Variants in PKHD1L1 observed in about 807,000 individuals in gnomAD.
PKHD1L1 encodes PKHD1 like 1.
Under a neutral mutation model 462.9 loss-of-function variants are expected in PKHD1L1, and 434 were observed. That is an observed-to-expected ratio of 0.94 (90% CI 0.87 to 1.02). The LOEUF (loss-of-function observed/expected upper bound fraction) is 1.02. Ranked by LOEUF, PKHD1L1 falls within the 50% of genes least tolerant of loss-of-function variation. The pLI is 0.00. For synonymous variants in PKHD1L1, 1,781 were observed against 1,750.0 expected (o/e 1.02, Z -0.44); for missense variants, 5,202 against 5,096.1 (o/e 1.02, Z -0.63).
chr8:109,385,761 A>G, intron 6 of PKHD1L1, 131 bp downstream of exon 6: 1 of 544,156 alleles, frequency 1.8e-6, no homozygotes, highest in South Asian at 3.7e-5. Context: ...TTTTTCAGCC[A>G]TATTATAGAA....
Position 109,497,244 on chromosome 8 carries a change from A to T in PKHD1L1, c.10571A>T (p.Lys3524Ile). 3 of 1,613,610 alleles carry T rather than the reference A, an allele frequency of 1.9e-6. No individual in the cohort carries two copies. The highest frequency in any genetic ancestry group is 2.5e-6 in the Non-Finnish European group (3 of 1,179,650). The change falls in exon 65 of 78, where the codon AAA becomes ATA. Residue 3524 changes from lysine (K) to isoleucine (I), a missense_variant. Around this residue, in one of 3 missense-constraint regions of PKHD1L1, gnomAD observed 4,497 missense variants for 4,336.8 expected, o/e 1.04. Coordinates refer to ENST00000378402, the MANE Select transcript of PKHD1L1 (RefSeq NM_177531.6). ...MIYMPAAISH[K>I]ISSKNVQIKS... The stretch of plus-strand genomic sequence containing the variant: ...TACATGCCAGCTGCTATATCACACA[A>T]AATTTCCAGTAAAAATGTACAAATT...
chr8:109,376,783 A>G (rs528687168), intron 2 of PKHD1L1, among the ~76,000 whole-genome samples: 7 of 152,172 alleles, frequency 4.6e-5, no homozygotes, highest in Non-Finnish European at 8.8e-5. Context: ...ATCCATTAAG[A>G]TAGATTATGG....
chr8:109,497,231 G>A lies in PKHD1L1; in HGVS notation c.10558G>A (p.Ala3520Thr). The A allele has an allele frequency of 2.5e-6, 4 of 1,613,368 alleles. No individual in the cohort carries two copies. Among genetic ancestry groups the A allele is most frequent in the Non-Finnish European group, 3.4e-6 (4 of 1,179,534 alleles). The change falls in exon 65 of 78, where the codon GCT becomes ACT. Residue 3520 changes from alanine to threonine, a missense_variant. Physicochemically the swap from Ala to Thr is moderately conservative, Grantham distance 58. Around this residue, in one of 3 missense-constraint regions of PKHD1L1, gnomAD observed 4,497 missense variants for 4,336.8 expected, o/e 1.04. Transcript: ENST00000378402. The stretch of plus-strand genomic sequence containing the variant: ...TTTTCCAATGATTTACATGCCAGCT[G>A]CTATATCACACAAAATTTCCAGTAA... ...AIFPMIYMPA[A>T]ISHKISSKNV...
intron 31 of PKHD1L1, 140 bp downstream of exon 31, chr8:109,438,596 A>C (rs1815577715): frequency 1.4e-6 from 1 of 717,862 alleles, no homozygotes; most frequent in Non-Finnish European, 2.2e-6. Flanking sequence ...TGTATGTTTT[A>C]TCATAGATTA....
intron 14 of PKHD1L1, among the ~76,000 whole-genome samples, chr8:109,402,171 GGAA>G (rs1252244385): frequency 2.6e-5 from 4 of 152,122 alleles, no homozygotes; most frequent in African/African-American, 9.7e-5. Flanking sequence ...CTAGGAAACA[GGAA>G]GATAAAAGAC....
rs36079473 is a variant in PKHD1L1 at position 109,415,861 on chromosome 8, AGGG to A, written c.2360+2318_2360+2320del. Among the ~76,000 whole-genome samples the A allele has an allele frequency of 1.3e-3, 76 of 58,570 alleles. 3 individuals carry two copies. The Middle Eastern group carries it at 0.035, about 27-fold the overall frequency. 38.4% of individuals were successfully genotyped at this position (58,570 alleles called of 152,430 possible). A position where few individuals can be genotyped will look rare whatever the true frequency, so the allele number is the denominator to read the frequency against. ...AGACCTTGTCTTAAAAAAAAAAAAA[AGGG>A]GTGTGTGTGTGTGTGTGTGTGTGTG... is the stretch of plus-strand genomic sequence containing the variant. On this transcript the variant is annotated intron_variant, in intron 21 of 77. Coordinates refer to ENST00000378402, the MANE Select transcript of PKHD1L1 (RefSeq NM_177531.6).
intron 61 of PKHD1L1, 149 bp downstream of exon 61, chr8:109,491,250 A>G (rs1348976122): frequency 9.8e-6 from 8 of 815,778 alleles, no homozygotes; most frequent in South Asian, 3.2e-5. Context: ...ACTAAGTCAT[A>G]TGTGTCTATT....
At position 109,399,001 on chromosome 8, in the gene PKHD1L1, A is replaced by G. The variant is rs188646802; in HGVS notation, c.1012+453A>G. Among the ~76,000 whole-genome samples, 7 of 152,266 alleles carry G rather than the reference A, an allele frequency of 4.6e-5. No homozygotes were observed. In the East Asian group the frequency reaches 1.2e-3, roughly 25 times the overall value. ...GTTACTCTAAATTCTTTTCAGACTT[A>G]CACCTTGTGGCTCAGTGAAATTGCT... On this transcript the variant is annotated intron_variant, in intron 12 of 77. Transcript: ENST00000378402.
chr8:109,379,606 C>A (rs1158195684), intron 2 of PKHD1L1, among the ~76,000 whole-genome samples: 1 of 152,142 alleles, frequency 6.6e-6, no homozygotes, highest in African/African-American at 2.4e-5. Flanking sequence ...TAGACAGATG[C>A]ATGGAGCTGG....
At chr8:109,420,733 A>G in intron 23 of PKHD1L1, 43 bp downstream of exon 23, 1 of 1,396,358 alleles carries the variant, frequency 7.2e-7, no homozygotes, top group Non-Finnish European at 9.5e-7. Flanking sequence ...AGTGAATTTT[A>G]TTTTTAATTT....
chr8:109,534,450 G>A lies in PKHD1L1; in HGVS notation c.*4360G>A, dbSNP rs1413239380. Among the ~76,000 whole-genome samples, 3 of 151,722 alleles carry A rather than the reference G, an allele frequency of 2.0e-5. No individual in the cohort carries two copies. Among genetic ancestry groups the A allele is most frequent in the Admixed American group, 6.6e-5 (1 of 15,246 alleles). ...TGCACTCCAGCCTGGGTGACAGAGC[G>A]AGACACATCTCAAAAAAAAAAACCC... On this transcript the variant is annotated 3_prime_UTR_variant, in exon 78 of 78. Coordinates refer to ENST00000378402, the MANE Select transcript of PKHD1L1 (RefSeq NM_177531.6).
chr8:109,446,723 C>T (rs1816162999), intron 38 of PKHD1L1, among the ~76,000 whole-genome samples: 1 of 152,078 alleles, frequency 6.6e-6, no homozygotes, highest in African/African-American at 2.4e-5. Flanking sequence ...GACTGTGTCT[C>T]TTCCCATCTC....
Position 109,530,259 on chromosome 8 carries a change from A to C in PKHD1L1, c.*169A>C, listed in dbSNP as rs1042047691. On this transcript the variant is annotated 3_prime_UTR_variant, in exon 78 of 78. Transcript: ENST00000378402. ...AACACTAAAATCAGATTTCTTCAAA[A>C]TATAAATTTGTTTTGATTCTTTATA... 1.4e-5 allele frequency: 5 copies of C among 344,908 alleles called. No homozygotes were observed. Among genetic ancestry groups the C allele is most frequent in the African/African-American group, 8.7e-5 (4 of 46,236 alleles). 21.4% of individuals were successfully genotyped at this position (344,908 alleles called of 1,614,324 possible). A position where few individuals can be genotyped will look rare whatever the true frequency, so the allele number is the denominator to read the frequency against.
intron 21 of PKHD1L1, among the ~76,000 whole-genome samples, chr8:109,418,321 T>C (rs893213316): frequency 1.3e-5 from 2 of 152,196 alleles, no homozygotes; most frequent in African/African-American, 4.8e-5. Flanking sequence ...TAATCTTTGA[T>C]GAGCTAGAGG....
At chr8:109,510,753 C>T (rs368753619) in intron 70 of PKHD1L1, 24 bp from the exon 71 acceptor site, 296 of 1,603,936 alleles carry the variant, frequency 1.8e-4, no homozygotes, top group Non-Finnish European at 2.3e-4. Flanking sequence ...TAGGAGTATG[C>T]ACTTTCATTT....
intron 50 of PKHD1L1, among the ~76,000 whole-genome samples, chr8:109,474,859 AGGTT>A (rs1249352952): frequency 6.6e-6 from 1 of 152,162 alleles, no homozygotes; most frequent in Non-Finnish European, 1.5e-5. Flanking sequence ...TCAAAATTCC[AGGTT>A]TGAAAGCATT....
chr8:109,382,080 GCTTA>G (rs1249065885), intron 3 of PKHD1L1, among the ~76,000 whole-genome samples: 1 of 152,152 alleles, frequency 6.6e-6, no homozygotes, highest in Non-Finnish European at 1.5e-5. Context: ...ACCAGGAAAA[GCTTA>G]CTAAGGGGAA....
At position 109,479,647 on chromosome 8, in the gene PKHD1L1, C is replaced by A. The variant is rs1480719341; in HGVS notation, c.9178+8C>A. 1.4e-6 allele frequency: 2 copies of A among 1,451,164 alleles called. No individual in the cohort carries two copies. Among genetic ancestry groups the A allele is most frequent in the Non-Finnish European group, 1.9e-6 (2 of 1,049,072 alleles). The allele number at this position is 1,451,164 out of a possible 1,614,324, so 89.9% of individuals were successfully genotyped here. On this transcript the variant is annotated splice_region_variant and intron_variant, in intron 54 of 77. Coordinates refer to ENST00000378402, the MANE Select transcript of PKHD1L1 (RefSeq NM_177531.6). ...ATGTGATTATACCTGAAGGTAAATG[C>A]GTAAACACAAATGAATGAAATGTTT... is the stretch of plus-strand genomic sequence containing the variant.
chr8:109,459,852 C>G lies in PKHD1L1; in HGVS notation c.7246+16C>G, dbSNP rs180731968. On this transcript the variant is annotated intron_variant, in intron 47 of 77. Coordinates refer to ENST00000378402, the MANE Select transcript of PKHD1L1 (RefSeq NM_177531.6). ...TTTGACACAGGTAATTTTAGCAGCT[C>G]TCGTGGTTGGTATAATCATGCCATA... 114 of 1,601,906 alleles carry G rather than the reference C, an allele frequency of 7.1e-5. No individual in the cohort carries two copies. The African/African-American group carries it at 1.3e-3, about 18-fold the overall frequency.
Sources: gnomAD v4.1 joint callset for allele counts (sites outside exome capture counted in the v4.1 genomes callset) on GRCh38, gnomAD v4.1.1 for gene constraint, gnomAD v4.1.1 regional missense constraint, MANE v1.5 for transcripts, NCBI Gene and HGNC (gene_info 2026-07-23, HGNC 2026-07-21) for gene names.